Variants in CCDC170 observed in about 807,000 individuals in gnomAD.
The protein encoded by CCDC170 is coiled-coil domain-containing protein 170.
A neutral mutation model predicts 72.6 loss-of-function variants in CCDC170; 69 were observed. The observed-to-expected ratio is 0.95, with a 90% CI of 0.78 to 1.16. The LOEUF (loss-of-function observed/expected upper bound fraction) is 1.16. Among genes scored for constraint, CCDC170 ranks in the 50% most tolerant of loss-of-function variants. The pLI, the probability that CCDC170 is intolerant of heterozygous loss-of-function variation, is 0.00. For synonymous variants in CCDC170, 300 were observed against 303.9 expected, an observed-to-expected ratio of 0.99 and a Z score of 0.13; for missense variants, 852 against 832.5, an observed-to-expected ratio of 1.02 and a Z score of -0.29.
intron 9 of CCDC170, among the ~76,000 whole-genome samples, chr6:151,609,736 ATC>A (rs1776840661): frequency 6.6e-6 from 1 of 152,162 alleles, no homozygotes; most frequent in Non-Finnish European, 1.5e-5. Context: ...ACTCTCAGGA[ATC>A]TGTTGCTGGG....
At chr6:151,520,550 T>C (rs192001444) in intron 1 of CCDC170, among the ~76,000 whole-genome samples, 195 of 152,354 alleles carry the variant, frequency 1.3e-3, no homozygotes, top group African/African-American at 4.5e-3. Flanking sequence ...CCTTCTTGCC[T>C]GGGGACTAGA....
At chr6:151,562,409 G>C (rs1019332488) in intron 5 of CCDC170, among the ~76,000 whole-genome samples, 2 of 151,908 alleles carry the variant, frequency 1.3e-5, no homozygotes, top group African/African-American at 4.8e-5. Flanking sequence ...TTTCTCTTAG[G>C]GGTATGGCTG....
At chr6:151,513,605 C>T (rs1400063457) in intron 1 of CCDC170, among the ~76,000 whole-genome samples, 1 of 79,452 alleles carries the variant, frequency 1.3e-5, no homozygotes, top group African/African-American at 5.7e-5. Context: ...GTGAGAGAGG[C>T]TCCGTCTCAA....
intron 5 of CCDC170, among the ~76,000 whole-genome samples, chr6:151,565,670 C>T (rs558236691): frequency 6.6e-6 from 1 of 152,326 alleles, no homozygotes; most frequent in Admixed American, 6.5e-5. Context: ...CATCTTGAAG[C>T]CCTGCCCCTT....
intron 6 of CCDC170, among the ~76,000 whole-genome samples, 162 bp from the exon 7 acceptor site, chr6:151,585,725 CAG>C (rs953030839): frequency 5.9e-5 from 9 of 152,240 alleles, no homozygotes; most frequent in Admixed American, 2.0e-4. Context: ...TTATTTCAAA[CAG>C]AGGCAAATAC....
chr6:151,615,487 A>ATC lies in CCDC170; in HGVS notation c.1756_1757dup (p.Arg587ProfsTer8). The ATC allele has an allele frequency of 1.2e-6, 2 of 1,614,164 alleles. No individual in the cohort carries two copies. The highest frequency in any genetic ancestry group is 1.7e-6 in the Non-Finnish European group (2 of 1,179,998). On this transcript the variant is annotated frameshift_variant, in exon 10 of 11. Transcript: ENST00000239374. LOFTEE classifies it high-confidence loss of function. ...CTAAAGCCATTGAAGATCTAAACAA[A>ATC]TCCAGAGACCAACTGGAGAAGATGA...
At chr6:151,557,357 C>T (rs1289106377) in intron 5 of CCDC170, among the ~76,000 whole-genome samples, 1 of 150,640 alleles carries the variant, frequency 6.6e-6, no homozygotes, top group Non-Finnish European at 1.5e-5. Context: ...TGCAGTGAGC[C>T]GAGATCACGC....
chr6:151,517,057 C>T (rs9383578), intron 1 of CCDC170, among the ~76,000 whole-genome samples: 25,229 of 152,106 alleles, frequency 0.17, 2,419 homozygotes, highest in East Asian at 0.38. Flanking sequence ...ATTTTGGGGC[C>T]GGGCACAGTG....
intron 1 of CCDC170, among the ~76,000 whole-genome samples, chr6:151,520,669 T>G (rs1782302474): frequency 6.6e-6 from 1 of 152,178 alleles, no homozygotes; most frequent in Non-Finnish European, 1.5e-5. Context: ...GCTCCTAAGA[T>G]CCATGCTTGA....
intron 1 of CCDC170, among the ~76,000 whole-genome samples, chr6:151,503,283 A>G (rs1386309337): frequency 6.6e-6 from 1 of 152,046 alleles, no homozygotes; most frequent in African/African-American, 2.4e-5. Context: ...AAAATAAAGC[A>G]GAATAACAGG....
At chr6:151,594,997 A>C (rs1377711612) in intron 8 of CCDC170, among the ~76,000 whole-genome samples, 1 of 152,200 alleles carries the variant, frequency 6.6e-6, no homozygotes, top group African/African-American at 2.4e-5. Context: ...GAATTTGATT[A>C]GATAAATATT....
At chr6:151,519,372 G>C (rs1782285092) in intron 1 of CCDC170, among the ~76,000 whole-genome samples, 2 of 152,216 alleles carry the variant, frequency 1.3e-5, no homozygotes, top group African/African-American at 4.8e-5. Flanking sequence ...CCCGCAGGCA[G>C]TCAGACCCTA....
In CCDC170 at chr6:151,617,976, G is replaced by C. The variant is rs1398510187; in HGVS notation, c.1977G>C (p.Gln659His). The C allele has an allele frequency of 6.2e-7, 1 of 1,613,856 alleles. No homozygotes were observed. Among genetic ancestry groups the C allele is most frequent in the Non-Finnish European group, 8.5e-7 (1 of 1,179,920 alleles). Residue 659 changes from glutamine (Q) to histidine (H), a missense_variant, in exon 11 of 11, where the codon CAG becomes CAC. Transcript: ENST00000239374. Reference protein sequence around the residue: ...QLADFREVVSQMLGLNVTSLA... With the variant: ...QLADFREVVSHMLGLNVTSLA... The stretch of plus-strand genomic sequence containing the variant: ...CAGACTTCAGGGAGGTGGTGTCGCA[G>C]ATGCTAGGCTTGAACGTGACCAGCC...
intron 5 of CCDC170, among the ~76,000 whole-genome samples, chr6:151,558,582 T>C (rs1783026227): frequency 6.6e-6 from 1 of 152,330 alleles, no homozygotes; most frequent in South Asian, 2.1e-4. Flanking sequence ...ATGAGAAAGA[T>C]AGTGACCTAG....
Position 151,596,552 on chromosome 6 carries a change from A to G in CCDC170, c.1685A>G (p.Lys562Arg), listed in dbSNP as rs202125938. 26 of 1,614,016 alleles carry G rather than the reference A, an allele frequency of 1.6e-5. No individual in the cohort carries two copies. The highest frequency in any genetic ancestry group is 1.5e-5 in the Non-Finnish European group (18 of 1,180,004). ...GACTTGCACACCGAGCTCAAAGCCA[A>G]ACTGGCCGACACCAATGAACTGAAG... ...CRDLHTELKA[K>R]LADTNELKIK... Residue 562 changes from lysine (K) to arginine (R), a missense_variant, in exon 9 of 11, where the codon AAA (lysine) becomes AGA (arginine). Physicochemically the swap from Lys to Arg is conservative, Grantham distance 26. Coordinates refer to ENST00000239374, the MANE Select transcript of CCDC170 (RefSeq NM_025059.4).
At chr6:151,525,175 G>A (rs918957854) in intron 1 of CCDC170, among the ~76,000 whole-genome samples, 27 of 152,064 alleles carry the variant, frequency 1.8e-4, no homozygotes, top group South Asian at 4.2e-4. Context: ...CTTGTGATCC[G>A]CCTGCCTCGG....
intron 5 of CCDC170, among the ~76,000 whole-genome samples, chr6:151,570,400 A>C (rs569216733): frequency 6.6e-6 from 1 of 152,222 alleles, no homozygotes; most frequent in Admixed American, 6.5e-5. Context: ...TCAACCAACT[A>C]TAGATAAAAA....
At chr6:151,590,806 G>T (rs558280069) in intron 7 of CCDC170, among the ~76,000 whole-genome samples, 1 of 152,176 alleles carries the variant, frequency 6.6e-6, no homozygotes, top group Non-Finnish European at 1.5e-5. Flanking sequence ...TAAATGGATG[G>T]GTCATATGTA....
chr6:151,511,699 G>A (rs929214207), intron 1 of CCDC170, among the ~76,000 whole-genome samples: 2 of 152,140 alleles, frequency 1.3e-5, no homozygotes, highest in Non-Finnish European at 2.9e-5. Flanking sequence ...CTGCTCTCAC[G>A]GAGCTTACAT....
Sources: gnomAD v4.1 joint callset for allele counts (sites outside exome capture counted in the v4.1 genomes callset) on GRCh38, gnomAD v4.1.1 for gene constraint, MANE v1.5 for transcripts, NCBI Gene and HGNC (gene_info 2026-07-23, HGNC 2026-07-21) for gene names.